The following CCDC138 variants were observed in gnomAD, a reference collection of about 807,000 sequenced individuals.
CCDC138 encodes the protein coiled-coil domain containing 138, also known as coiled-coil domain-containing protein 138.
CCDC138 carries 66 observed loss-of-function variants against 82.3 expected under a neutral mutation model. The observed-to-expected ratio is 0.80, with a 90% CI of 0.66 to 0.98. CCDC138 has a LOEUF of 0.98. Among genes scored for constraint, CCDC138 ranks in the 50% least tolerant of loss-of-function variants. The probability of loss-of-function intolerance (pLI) is 0.00; values close to 1 mark genes in which losing one functional copy is unlikely to be tolerated. For missense variants in CCDC138, 816 were observed against 758.9 expected (o/e 1.08, Z -0.88); for synonymous variants, 297 against 265.4 (o/e 1.12, Z -1.16).
rs748277756 is a variant in CCDC138, at chr2:108,791,608, C to T, written c.267-67C>T. The T allele has an allele frequency of 2.8e-5, 43 of 1,519,762 alleles. No homozygotes were observed. The African/African-American group carries it at 4.8e-4, about 17-fold the overall frequency. The allele number at this position is 1,519,762 out of a possible 1,614,324, so 94.1% of individuals were successfully genotyped here. A position where few individuals can be genotyped will look rare whatever the true frequency, so the allele number is the denominator to read the frequency against. On this transcript the variant is annotated intron_variant, in intron 3 of 14. Transcript: ENST00000295124. ...AGTTATGCTGTTAATATTTGAAAAGCAGTTTTATCTTTTTAAAGTGCTATA... is the reference window on the plus strand; with the variant it reads ...AGTTATGCTGTTAATATTTGAAAAGTAGTTTTATCTTTTTAAAGTGCTATA...
At chr2:108,796,487 C>A (rs891644765) in intron 5 of CCDC138, among the ~76,000 whole-genome samples, 1 of 152,118 alleles carries the variant, frequency 6.6e-6, no homozygotes, top group African/African-American at 2.4e-5. Flanking sequence ...TGGGTATATC[C>A]CCGAAAAAAG....
chr2:108,861,032 T>A lies in CCDC138; in HGVS notation c.1693+4062T>A, dbSNP rs528327030. Among the ~76,000 whole-genome samples the A allele has an allele frequency of 8.6e-5, 13 of 150,836 alleles. 1 individual carries two copies. Among genetic ancestry groups the A allele is most frequent in the Non-Finnish European group, 1.5e-5 (1 of 67,740 alleles). On this transcript the variant is annotated intron_variant, in intron 13 of 14. Transcript: ENST00000295124. ...CTGGTCTGTTCAGGGTTTCAATTTC[T>A]TCCTGATTCAATCTTGGGAGATTGT... is the stretch of plus-strand genomic sequence containing the variant.
At chr2:108,853,117 T>C (rs1691806280) in intron 12 of CCDC138, among the ~76,000 whole-genome samples, 1 of 152,180 alleles carries the variant, frequency 6.6e-6, no homozygotes, top group Admixed American at 6.5e-5. Context: ...TTTGTAATAA[T>C]GAGAAAAGAT....
At chr2:108,885,322 G>T (rs1254055911) in exon 3 of CCDC138, 1 of 152,120 alleles carries the variant, frequency 6.6e-6, no homozygotes, top group African/African-American at 2.4e-5. Flanking sequence ...AGGCATTTAG[G>T]CTGAGAGAAA....
chr2:108,820,218 G>C (rs1030580470), intron 10 of CCDC138, among the ~76,000 whole-genome samples: 18 of 152,108 alleles, frequency 1.2e-4, no homozygotes, highest in African/African-American at 4.1e-4. Context: ...GACCAGCCTG[G>C]TCAACATGGT....
intron 10 of CCDC138, among the ~76,000 whole-genome samples, chr2:108,836,200 A>G (rs1479786049): frequency 6.6e-6 from 1 of 152,080 alleles, no homozygotes; most frequent in Non-Finnish European, 1.5e-5. Context: ...CCACCATTCA[A>G]TTTTCTGCTT....
intron 13 of CCDC138, 107 bp from the exon 14 acceptor site, chr2:108,873,344 T>C (rs1188962380): frequency 4.8e-6 from 5 of 1,049,840 alleles, no homozygotes; most frequent in Non-Finnish European, 6.4e-6. Context: ...AGAATGAAAA[T>C]CTAAATGAAT....
chr2:108,838,522 G>T (rs1688944519), intron 10 of CCDC138, among the ~76,000 whole-genome samples: 1 of 152,050 alleles, frequency 6.6e-6, no homozygotes, highest in Non-Finnish European at 1.5e-5. Context: ...TCTTAGGCTG[G>T]TATCTCAGAA....
At position 108,794,718 on chromosome 2, in the gene CCDC138, G is replaced by C. The variant is rs1045232619; in HGVS notation, c.573G>C (p.Leu191Phe). Reference protein sequence around the residue: ...YDELFQIHLKLQCETAAQQKF... With the variant: ...YDELFQIHLKFQCETAAQQKF... ...AATTATTTCAGATACATCTGAAATTGCAGGTAAGAACTAAATACTGAATCG... is the reference window on the plus strand; with the variant it reads ...AATTATTTCAGATACATCTGAAATTCCAGGTAAGAACTAAATACTGAATCG... Residue 191 changes from leucine to phenylalanine, a missense_variant, in exon 5 of 15, where the codon TTG (leucine) becomes TTC (phenylalanine). By Grantham distance (22) the Leu-to-Phe change is conservative (BLOSUM62 0). Transcript: ENST00000295124. The C allele has an allele frequency of 1.2e-6, 2 of 1,602,072 alleles. No individual in the cohort carries two copies. The highest frequency in any genetic ancestry group is 2.7e-5 in the African/African-American group (2 of 74,526).
intron 12 of CCDC138, among the ~76,000 whole-genome samples, chr2:108,848,198 A>G (rs771138403): frequency 7.0e-4 from 107 of 152,366 alleles, no homozygotes; most frequent in Non-Finnish European, 1.4e-3. Flanking sequence ...GTCAACATAC[A>G]TTATATCATT....
intron 7 of CCDC138, among the ~76,000 whole-genome samples, chr2:108,809,912 TCTC>T (rs1683513945): frequency 6.6e-6 from 1 of 152,130 alleles, no homozygotes; most frequent in Non-Finnish European, 1.5e-5. Flanking sequence ...TTCACACAAT[TCTC>T]CTGCCTCAGC....
intron 6 of CCDC138, among the ~76,000 whole-genome samples, chr2:108,804,241 AAACT>A (rs1682470413): frequency 6.6e-6 from 1 of 152,206 alleles, no homozygotes; most frequent in Admixed American, 6.5e-5. Context: ...GTGAAAGGTG[AAACT>A]ATTAAGTATT....
intron 4 of CCDC138, among the ~76,000 whole-genome samples, chr2:108,793,623 G>A (rs1680323234): frequency 6.6e-6 from 1 of 150,428 alleles, no homozygotes; most frequent in African/African-American, 2.4e-5. Context: ...TTGAGATGGA[G>A]TCTCGCTCTG....
At chr2:108,812,949 A>T in intron 9 of CCDC138, 22 bp downstream of exon 9, 1 of 1,609,384 alleles carries the variant, frequency 6.2e-7, no homozygotes. Context: ...TTATGATTTG[A>T]TATGATTGAA....
chr2:108,878,721 CTT>C (rs879281518), downstream of CCDC138, among the ~76,000 whole-genome samples: 20 of 152,280 alleles, frequency 1.3e-4, no homozygotes, highest in Admixed American at 9.8e-4. Context: ...GTAAGTCTAT[CTT>C]AGCCTTTGTT....
intron 6 of CCDC138, among the ~76,000 whole-genome samples, 188 bp from the exon 7 acceptor site, chr2:108,804,698 TTTG>T (rs1450782564): frequency 6.6e-6 from 1 of 152,180 alleles, no homozygotes; most frequent in Non-Finnish European, 1.5e-5. Context: ...CCTTTGATGT[TTTG>T]TTGTTATCTT....
chr2:108,788,113 G>A, intron 2 of CCDC138, 24 bp downstream of exon 2: 1 of 1,599,758 alleles, frequency 6.3e-7, no homozygotes, highest in South Asian at 1.1e-5. Context: ...TTGTATATTT[G>A]GGGGTTTCAA....
At chr2:108,827,837 A>G (rs1686895841) in intron 10 of CCDC138, among the ~76,000 whole-genome samples, 1 of 151,850 alleles carries the variant, frequency 6.6e-6, no homozygotes, top group South Asian at 2.1e-4. Flanking sequence ...AAAAAATTAA[A>G]AAAATTTAAA....
At chr2:108,842,296 C>T (rs112574454) in intron 11 of CCDC138, among the ~76,000 whole-genome samples, 3 of 151,692 alleles carry the variant, frequency 2.0e-5, no homozygotes, top group African/African-American at 7.3e-5. Flanking sequence ...GCCTTGGCTT[C>T]CCAAATTGTT....
Sources: allele counts gnomAD v4.1 joint callset (sites outside exome capture counted in the v4.1 genomes callset), GRCh38; gene constraint gnomAD v4.1.1; transcripts MANE v1.5; gene names NCBI Gene and HGNC (gene_info 2026-07-23, HGNC 2026-07-21).